Variants in NDRG2 observed in about 807,000 individuals in gnomAD.
NDRG2 encodes protein NDRG2.
A neutral mutation model predicts 58.2 loss-of-function variants in NDRG2; 34 were observed. The observed-to-expected ratio is 0.58, with a 90% CI of 0.44 to 0.78. The LOEUF is 0.78. Ranked by LOEUF, NDRG2 falls within the 30% of genes least tolerant of loss-of-function variation. NDRG2 has a pLI of 0.00. For missense variants in NDRG2, 434 were observed against 471.2 expected (o/e 0.92, Z 0.73); for synonymous variants, 187 against 175.9 (o/e 1.06, Z -0.50).
intron 1 of NDRG2, among the ~76,000 whole-genome samples, chr14:21,065,765 A>G (rs1485629366): frequency 6.6e-6 from 1 of 152,198 alleles, no homozygotes; most frequent in Admixed American, 6.5e-5. Context: ...AAAGGTGCCA[A>G]ATTAAGCATC....
intron 6 of NDRG2, 99 bp from the exon 7 acceptor site, chr14:21,020,943 G>C (rs750001844): frequency 8.3e-6 from 11 of 1,332,270 alleles, no homozygotes; most frequent in South Asian, 2.4e-5. Context: ...CTGAGTCCAC[G>C]GGCACAAAGA....
Position 21,017,733 on chromosome 14 carries a change from G to A in NDRG2, c.979C>T (p.Arg327Trp), listed in dbSNP as rs1225511669. ...MASSCMTRLS[R>W]SRTASLTSAA... ...CTGGTCAGAGAGGCTGTACGAGACC[G>A]GGACAGGCGAGTCATGCAGGATGAG... The change falls in exon 16 of 16, where the codon CGG becomes TGG. Residue 327 changes from arginine (R) to tryptophan (W), a missense_variant. Coordinates refer to ENST00000556147, the MANE Select transcript of NDRG2 (RefSeq NM_001320329.2). The A allele has an allele frequency of 8.7e-6, 14 of 1,601,900 alleles. No homozygotes were observed. The highest frequency in any genetic ancestry group is 2.7e-5 in the African/African-American group (2 of 74,674).
At chr14:21,066,316 G>GT (rs1886260665) in intron 1 of NDRG2, among the ~76,000 whole-genome samples, 1 of 141,922 alleles carries the variant, frequency 7.0e-6, no homozygotes, top group African/African-American at 2.5e-5. Context: ...TTTTGGTTGT[G>GT]TTTTTTTTGT....
At chr14:21,042,654 G>T (rs1400855984) in intron 1 of NDRG2, among the ~76,000 whole-genome samples, 1 of 152,144 alleles carries the variant, frequency 6.6e-6, no homozygotes, top group Non-Finnish European at 1.5e-5. Context: ...ATGGGAATCG[G>T]GAGAGGATGA....
chr14:21,028,851 G>T (rs1594470737), upstream of NDRG2: 1 of 152,224 alleles, frequency 6.6e-6, no homozygotes, highest in East Asian at 1.9e-4. Context: ...GAAAGGCATA[G>T]ATTTGTAAGA....
intron 1 of NDRG2, chr14:21,035,872 G>A (rs1360356391): frequency 6.8e-5 from 31 of 455,478 alleles, no homozygotes; most frequent in South Asian, 2.9e-4. Context: ...ACGGGGAGGC[G>A]GTCCTGCATG....
chr14:21,035,416 C>T (rs1884554554), intron 1 of NDRG2, among the ~76,000 whole-genome samples: 1 of 152,224 alleles, frequency 6.6e-6, no homozygotes, highest in Non-Finnish European at 1.5e-5. Flanking sequence ...GGGCCACGCT[C>T]CTATCTTTTT....
At chr14:21,032,246 G>C in intron 1 of NDRG2, 2 of 734,108 alleles carry the variant, frequency 2.7e-6, no homozygotes, top group Non-Finnish European at 4.8e-6. Flanking sequence ...AGGAGGGTGG[G>C]TTCTCCACCA....
intron 14 of NDRG2, 42 bp downstream of exon 14, chr14:21,018,162 C>T: frequency 1.2e-6 from 2 of 1,611,948 alleles, no homozygotes; most frequent in Non-Finnish European, 1.7e-6. Flanking sequence ...CCACCGGTAT[C>T]CTATGTCCCT....
At chr14:21,023,392 C>T in intron 1 of NDRG2, 71 bp from the exon 2 acceptor site, 1 of 1,362,038 alleles carries the variant, frequency 7.3e-7, no homozygotes, top group Non-Finnish European at 1.0e-6. Context: ...ACCAGGCTTC[C>T]TCTCTCAGCA....
At chr14:21,048,691 T>G (rs1315412287) in intron 1 of NDRG2, among the ~76,000 whole-genome samples, 1 of 152,222 alleles carries the variant, frequency 6.6e-6, no homozygotes. Flanking sequence ...GACTAGCATG[T>G]AGGGAAAGTT....
intron 1 of NDRG2, among the ~76,000 whole-genome samples, chr14:21,066,888 C>T (rs181247386): frequency 1.1e-3 from 161 of 152,282 alleles, no homozygotes; most frequent in African/African-American, 3.7e-3. Flanking sequence ...TTACATATCA[C>T]ACAGATTTTT....
At position 21,023,461 on chromosome 14, in the gene NDRG2, A is replaced by C. The variant is rs111512600; in HGVS notation, c.-6-140T>G. 1.4e-5 allele frequency: 10 copies of C among 699,322 alleles called. No individual in the cohort carries two copies. In the African/African-American group the frequency reaches 1.6e-4, roughly 11 times the overall value. 43.3% of individuals were successfully genotyped at this position (699,322 alleles called of 1,614,324 possible). ...TTGAAGACTACTCTAGAACACACAG[A>C]GGGCCTTTCCTGCCCCCAGCTCCGT... is the stretch of plus-strand genomic sequence containing the variant. On this transcript the variant is annotated intron_variant, in intron 1 of 15. Transcript: ENST00000556147.
intron 1 of NDRG2, among the ~76,000 whole-genome samples, chr14:21,036,696 C>T (rs1176149364): frequency 6.6e-6 from 1 of 152,214 alleles, no homozygotes; most frequent in Non-Finnish European, 1.5e-5. Context: ...CTGCTGTCTC[C>T]TCTACCTGGA....
At chr14:21,067,596 C>T (rs577833757) in intron 1 of NDRG2, among the ~76,000 whole-genome samples, 97 of 152,144 alleles carry the variant, frequency 6.4e-4, no homozygotes, top group Middle Eastern at 3.4e-3. Flanking sequence ...TTGAGAAGCC[C>T]CAAAGAGTCT....
rs898788394 is a variant in NDRG2 at position 21,064,271 on chromosome 14, A to G, written c.24+6557T>C. On this transcript the variant is annotated intron_variant, in intron 1 of 14. Coordinates refer to the NDRG2 transcript ENST00000403829. ...AAATTCCCTAAAATTGAGAGTGACT[A>G]AATGAATAGTGAACAACCACTTGAT... 5.9e-5 allele frequency among the ~76,000 whole-genome samples: 9 copies of G among 152,268 alleles called. No homozygotes were observed. In the South Asian group the frequency reaches 1.9e-3, roughly 32 times the overall value.
upstream of NDRG2, chr14:21,025,621 G>C: frequency 1.0e-6 from 1 of 985,500 alleles, no homozygotes; most frequent in East Asian, 1.1e-4. This position sits in a 1 kb window ranked among gnomAD's most constrained non-coding sequence, Gnocchi z 5.1. Flanking sequence ...AAGGGGGCAC[G>C]GGGGAACGTC....
chr14:21,019,847 A>C, intron 9 of NDRG2, 73 bp downstream of exon 9: 1 of 1,554,046 alleles, frequency 6.4e-7, no homozygotes, highest in Non-Finnish European at 8.9e-7. Context: ...TGTCCCAGCT[A>C]AGGAAGTTAG....
chr14:21,024,582 C>T lies in NDRG2; in HGVS notation c.-559G>A. 1.0e-6 allele frequency: 1 copy of T among 985,496 alleles called. No homozygotes were observed. The highest frequency in any genetic ancestry group is 1.2e-6 in the Non-Finnish European group (1 of 829,960). The allele number at this position is 985,496 out of a possible 1,614,324, so 61.0% of individuals were successfully genotyped here. ...ACAAACACAAAGATTGGTGCCGTCG[C>T]TTCTCTCCTCTACTCAGTCTCCGTG... On this transcript the variant is annotated 5_prime_UTR_variant, in exon 1 of 16. Coordinates refer to ENST00000556147, the MANE Select transcript of NDRG2 (RefSeq NM_001320329.2).
Sources: gnomAD v4.1 joint callset for allele counts (sites outside exome capture counted in the v4.1 genomes callset) on GRCh38, gnomAD v4.1.1 for gene constraint, Gnocchi (gnomAD v3.1) non-coding constraint, MANE v1.5 for transcripts, NCBI Gene and HGNC (gene_info 2026-07-23, HGNC 2026-07-21) for gene names.